PDZRN4: variants seen among roughly 807,000 people sequenced by gnomAD.
PDZRN4 encodes the protein PDZ domain-containing RING finger protein 4.
PDZRN4 carries 70 observed loss-of-function variants against 99.0 expected under a neutral mutation model. That is an observed-to-expected ratio of 0.71 (90% CI 0.58 to 0.86). The LOEUF is 0.86. Among genes scored for constraint, PDZRN4 ranks in the 40% least tolerant of loss-of-function variants. PDZRN4 has a pLI of 0.00. For synonymous variants in PDZRN4, 551 were observed against 501.6 expected, an observed-to-expected ratio of 1.10 and a Z score of -1.32; for missense variants, 1,474 against 1,331.2, an observed-to-expected ratio of 1.11 and a Z score of -1.67.
chr12:41,532,616 TA>T (rs1336857127), intron 5 of PDZRN4, among the ~76,000 whole-genome samples: 1 of 152,158 alleles, frequency 6.6e-6, no homozygotes. Flanking sequence ...TTTATTAGCT[TA>T]ATTCCCAAGT....
At chr12:41,322,512 A>C (rs1343460691) in intron 3 of PDZRN4, among the ~76,000 whole-genome samples, 10 of 20,316 alleles carry the variant, frequency 4.9e-4, no homozygotes, top group African/African-American at 1.2e-3. Context: ...TTTTTTTGAG[A>C]CAGAGTCTCA....
At chr12:41,358,178 C>T (rs1207228144) in intron 3 of PDZRN4, among the ~76,000 whole-genome samples, 4 of 151,944 alleles carry the variant, frequency 2.6e-5, no homozygotes, top group African/African-American at 9.7e-5. Context: ...CTTCTCAACA[C>T]AGGAAGATTA....
intron 3 of PDZRN4, among the ~76,000 whole-genome samples, chr12:41,231,765 GT>G (rs1951030913): frequency 6.6e-6 from 1 of 151,870 alleles, no homozygotes; most frequent in Non-Finnish European, 1.5e-5. Flanking sequence ...TTCCTTATTT[GT>G]CAATTACAGT....
chr12:41,461,044 T>G (rs1405809284), intron 3 of PDZRN4, among the ~76,000 whole-genome samples: 3 of 152,172 alleles, frequency 2.0e-5, no homozygotes, highest in Non-Finnish European at 4.4e-5. Context: ...AGAGTTTCCC[T>G]GTGTAAAAAG....
rs545597115 is a variant in PDZRN4, at chr12:41,354,275, T to C, written c.844-152181T>C. Among the ~76,000 whole-genome samples the C allele has an allele frequency of 1.6e-3, 245 of 152,214 alleles. 1 individual carries two copies. The highest frequency in any genetic ancestry group is 3.3e-3 in the South Asian group (16 of 4,824). On this transcript the variant is annotated intron_variant, in intron 3 of 9. Coordinates refer to ENST00000402685, the MANE Select transcript of PDZRN4 (RefSeq NM_001164595.2). Reference sequence around the variant, plus strand: ...GAAGAATTGTAGAGTATTGGTCCTCTCCATAATCTTCCCTGACATGCCTGA... The same window carrying C: ...GAAGAATTGTAGAGTATTGGTCCTCCCCATAATCTTCCCTGACATGCCTGA...
At chr12:41,204,002 G>A (rs918228913) in intron 3 of PDZRN4, among the ~76,000 whole-genome samples, 3 of 151,960 alleles carry the variant, frequency 2.0e-5, no homozygotes, top group African/African-American at 7.2e-5. Flanking sequence ...GGATGCTAAT[G>A]GTTGGGTATC....
At chr12:41,487,717 T>G (rs1937802206) in intron 3 of PDZRN4, among the ~76,000 whole-genome samples, 1 of 152,326 alleles carries the variant, frequency 6.6e-6, no homozygotes, top group Non-Finnish European at 1.5e-5. Context: ...CAATTAAAAT[T>G]GTAGTGGAAG....
intron 3 of PDZRN4, among the ~76,000 whole-genome samples, chr12:41,261,545 C>T (rs74679329): frequency 0.016 from 2,483 of 152,194 alleles, 35 homozygotes; most frequent in East Asian, 0.061. Context: ...GCTGGAGTGC[C>T]GTGGCGCGAT....
chr12:41,314,253 TA>T (rs779384739), intron 3 of PDZRN4, among the ~76,000 whole-genome samples: 3 of 152,180 alleles, frequency 2.0e-5, no homozygotes, highest in Non-Finnish European at 4.4e-5. Context: ...CTATAGAAGT[TA>T]AATTTGGTTT....
chr12:41,513,529 A>G (rs1938344515), intron 5 of PDZRN4, among the ~76,000 whole-genome samples: 1 of 152,122 alleles, frequency 6.6e-6, no homozygotes, highest in Non-Finnish European at 1.5e-5. Context: ...AAAAATAAAC[A>G]TATACAAATT....
chr12:41,369,130 A>G (rs1288207854), intron 3 of PDZRN4, among the ~76,000 whole-genome samples: 1 of 152,256 alleles, frequency 6.6e-6, no homozygotes, highest in East Asian at 1.9e-4. Flanking sequence ...TAAAAACAGT[A>G]TTGAGTAATC....
At chr12:41,222,170 G>A (rs1009043856) in intron 3 of PDZRN4, among the ~76,000 whole-genome samples, 19 of 152,256 alleles carry the variant, frequency 1.2e-4, no homozygotes, top group African/African-American at 2.9e-4. Context: ...GCAGACTATC[G>A]GAAATTGTGT....
chr12:41,512,994 T>C (rs549421152), intron 5 of PDZRN4, among the ~76,000 whole-genome samples: 1 of 152,178 alleles, frequency 6.6e-6, no homozygotes, highest in East Asian at 1.9e-4. Flanking sequence ...CTTGCTAAAA[T>C]ACAAACTATG....
chr12:41,374,106 C>A (rs540093738), intron 3 of PDZRN4, among the ~76,000 whole-genome samples: 1 of 152,052 alleles, frequency 6.6e-6, no homozygotes, highest in East Asian at 1.9e-4. Context: ...TCTTTGGCTA[C>A]CTCCTTGAGG....
At chr12:41,488,336 T>C (rs750753136) in intron 3 of PDZRN4, among the ~76,000 whole-genome samples, 6 of 152,192 alleles carry the variant, frequency 3.9e-5, no homozygotes, top group Non-Finnish European at 7.3e-5. Context: ...AGTCAAATGT[T>C]ATACTTGAGG....
At chr12:41,553,992 T>C (rs1416189291) in intron 6 of PDZRN4, among the ~76,000 whole-genome samples, 3 of 152,184 alleles carry the variant, frequency 2.0e-5, no homozygotes, top group Non-Finnish European at 4.4e-5. Context: ...TTAATGCATT[T>C]AGAAAACAAC....
intron 8 of PDZRN4, among the ~76,000 whole-genome samples, chr12:41,565,231 T>C (rs573367521): frequency 6.6e-6 from 1 of 152,118 alleles, no homozygotes; most frequent in African/African-American, 2.4e-5. Context: ...TGAAAGATGG[T>C]TGTCTGACTC....
intron 3 of PDZRN4, among the ~76,000 whole-genome samples, chr12:41,377,272 A>G (rs910767891): frequency 3.9e-5 from 6 of 152,116 alleles, no homozygotes; most frequent in Non-Finnish European, 8.8e-5. Flanking sequence ...TCTCATTAGG[A>G]TTTTGATAAA....
chr12:41,208,468 CTTTTAATCTTTGTCAATTA>C (rs931409400), intron 3 of PDZRN4, among the ~76,000 whole-genome samples: 41 of 151,852 alleles, frequency 2.7e-4, no homozygotes, highest in Non-Finnish European at 8.8e-5. Flanking sequence ...AGGGATTTAG[CTTTTAATCTTTGTCAATTA>C]TTTTAATCTT....
Sources: allele counts gnomAD v4.1 joint callset (sites outside exome capture counted in the v4.1 genomes callset), GRCh38; gene constraint gnomAD v4.1.1; transcripts MANE v1.5; gene names NCBI Gene and HGNC (gene_info 2026-07-23, HGNC 2026-07-21).